PARD3B: variants seen among roughly 807,000 people sequenced by gnomAD.
PARD3B encodes the protein par-3 family cell polarity regulator beta.
In PARD3B, 103 loss-of-function variants were observed where a neutral mutation model predicts 130.2. The ratio of observed to expected loss-of-function variants is 0.79; its 90% CI spans 0.67 to 0.93. The LOEUF is 0.93. Ranked by LOEUF, PARD3B falls within the 40% of genes least tolerant of loss-of-function variation. The pLI, the probability that PARD3B is intolerant of heterozygous loss-of-function variation, is 0.00. For missense variants in PARD3B, 1,609 were observed against 1,499.2 expected (o/e 1.07, Z -1.21); for synonymous variants, 583 against 553.2 (o/e 1.05, Z -0.76).
chr2:204,782,427 A>C (rs971272501), intron 2 of PARD3B, among the ~76,000 whole-genome samples: 67 of 151,528 alleles, frequency 4.4e-4, no homozygotes, highest in African/African-American at 1.4e-3. Context: ...ATTGTGTGTA[A>C]TATAGACACA....
chr2:204,885,314 T>C (rs1271976409), intron 2 of PARD3B, among the ~76,000 whole-genome samples: 1 of 152,242 alleles, frequency 6.6e-6, no homozygotes, highest in South Asian at 2.1e-4. Context: ...TGCCCACTTT[T>C]TAATGGGGTT....
At chr2:204,842,685 A>C (rs2044301376) in intron 2 of PARD3B, among the ~76,000 whole-genome samples, 1 of 152,188 alleles carries the variant, frequency 6.6e-6, no homozygotes, top group South Asian at 2.1e-4. Context: ...ATGTCTGGAA[A>C]AGATGATTTT....
rs1178338868 is a variant in PARD3B, at chr2:205,584,890, A to G, written c.3261-30566A>G. Among the ~76,000 whole-genome samples the G allele has an allele frequency of 6.6e-6, 1 of 152,090 alleles. No individual in the cohort carries two copies. The highest frequency in any genetic ancestry group is 6.5e-5 in the Admixed American group (1 of 15,272). ...ACTTTTTTCCCCTTAGATTGTACATAATACCAGGCACACCTGGATTTCTGG... is the reference window on the plus strand; with the variant it reads ...ACTTTTTTCCCCTTAGATTGTACATGATACCAGGCACACCTGGATTTCTGG... On this transcript the variant is annotated intron_variant, in intron 22 of 22. Transcript: ENST00000406610. This position sits in a 1 kb window ranked among gnomAD's most constrained non-coding sequence, Gnocchi z 5.5.
At chr2:204,929,503 A>AAAG (rs1687871071) in intron 2 of PARD3B, among the ~76,000 whole-genome samples, 1 of 152,174 alleles carries the variant, frequency 6.6e-6, no homozygotes, top group Non-Finnish European at 1.5e-5. Context: ...AGTCCTTTTA[A>AAAG]GTACCAAAAT....
intron 16 of PARD3B, among the ~76,000 whole-genome samples, chr2:205,248,436 G>C (rs940295146): frequency 6.6e-6 from 1 of 151,380 alleles, no homozygotes; most frequent in African/African-American, 2.4e-5. Context: ...CAGCAGCAGA[G>C]GGTTAAGGGT....
chr2:205,435,075 ATTT>A (rs1207207006), intron 19 of PARD3B, among the ~76,000 whole-genome samples: 2 of 152,076 alleles, frequency 1.3e-5, no homozygotes, highest in Non-Finnish European at 2.9e-5. Context: ...AGTTAAATTT[ATTT>A]TTTTAATTAT....
intron 20 of PARD3B, among the ~76,000 whole-genome samples, chr2:205,488,777 C>T (rs547198615): frequency 9.9e-5 from 15 of 152,196 alleles, no homozygotes; most frequent in African/African-American, 2.9e-4. Context: ...GACATATGTT[C>T]GTTAAATGGA....
In PARD3B at chr2:205,550,978, C is replaced by CATATATATATAT. The variant is rs1559207188; in HGVS notation, c.3181-2345_3181-2344insTATATATATATA. Among the ~76,000 whole-genome samples the CATATATATATAT allele has an allele frequency of 6.4e-5, 6 of 93,092 alleles. No individual in the cohort carries two copies. Among genetic ancestry groups the CATATATATATAT allele is most frequent in the Non-Finnish European group, 1.0e-4 (5 of 48,522 alleles). The allele number at this position is 93,092 out of a possible 152,430, so 61.1% of individuals were successfully genotyped here. On this transcript the variant is annotated intron_variant, in intron 21 of 22. Coordinates refer to ENST00000406610, the MANE Select transcript of PARD3B (RefSeq NM_001302769.2). The surrounding 1 kb of genome is among the most constrained non-coding windows in gnomAD (Gnocchi z 4.5). ...GTGTATATATATATATATATATATA[C>CATATATATATAT]ACACACACACACACACACACACACA...
chr2:204,733,816 A>G (rs2039626101), intron 2 of PARD3B, among the ~76,000 whole-genome samples: 1 of 151,986 alleles, frequency 6.6e-6, no homozygotes, highest in Non-Finnish European at 1.5e-5. Flanking sequence ...AAGTGGTATT[A>G]CTAAACACAC....
intron 2 of PARD3B, among the ~76,000 whole-genome samples, chr2:204,841,695 G>A (rs1306715255): frequency 6.6e-6 from 1 of 152,020 alleles, no homozygotes; most frequent in African/African-American, 2.4e-5. Flanking sequence ...CCCATTTCTG[G>A]TGAAAATAAT....
At chr2:204,860,173 A>C (rs916857233) in intron 2 of PARD3B, among the ~76,000 whole-genome samples, 1 of 152,188 alleles carries the variant, frequency 6.6e-6, no homozygotes, top group Non-Finnish European at 1.5e-5. Flanking sequence ...TATATCAATG[A>C]CTGATTATAT....
chr2:204,760,559 A>G (rs1234569916), intron 2 of PARD3B, among the ~76,000 whole-genome samples: 1 of 152,020 alleles, frequency 6.6e-6, no homozygotes. Context: ...AAACTGTTTT[A>G]TTAATAAGGA....
chr2:204,625,976 A>T (rs2034473624), intron 1 of PARD3B, among the ~76,000 whole-genome samples: 1 of 152,184 alleles, frequency 6.6e-6, no homozygotes, highest in Non-Finnish European at 1.5e-5. Context: ...ATTACCATGG[A>T]GTAGGAAATC....
intron 3 of PARD3B, among the ~76,000 whole-genome samples, chr2:205,047,145 A>C (rs910314220): frequency 6.6e-6 from 1 of 152,210 alleles, no homozygotes; most frequent in African/African-American, 2.4e-5. Flanking sequence ...CATCATTCAA[A>C]AGATTTGGAA....
chr2:205,031,774 A>G (rs1276656585), intron 3 of PARD3B, among the ~76,000 whole-genome samples: 1 of 152,168 alleles, frequency 6.6e-6, no homozygotes, highest in African/African-American at 2.4e-5. Context: ...CCTGCAAGTT[A>G]ATAAGTAGCT....
rs1173664733 is a variant in PARD3B at position 205,160,220 on chromosome 2, T to C, written c.1620+1313T>C. ...AAATAGTCATAATTTTTCAGTAATA[T>C]ACACATCAATAAGCCTTTATTTTTC... On this transcript the variant is annotated intron_variant, in intron 11 of 22. Transcript: ENST00000406610. The surrounding 1 kb of genome is among the most constrained non-coding windows in gnomAD (Gnocchi z 4.0). Among the ~76,000 whole-genome samples the C allele has an allele frequency of 6.6e-6, 1 of 152,246 alleles. No individual in the cohort carries two copies. The highest frequency in any genetic ancestry group is 2.4e-5 in the African/African-American group (1 of 41,464).
intron 1 of PARD3B, among the ~76,000 whole-genome samples, chr2:204,559,530 A>G (rs968562275): frequency 4.6e-5 from 7 of 152,232 alleles, no homozygotes; most frequent in Admixed American, 2.6e-4. Flanking sequence ...TTAAAAAGTC[A>G]GGAAACAACA....
intron 16 of PARD3B, among the ~76,000 whole-genome samples, chr2:205,271,645 C>T (rs1396736901): frequency 6.6e-6 from 1 of 152,140 alleles, no homozygotes; most frequent in African/African-American, 2.4e-5. Context: ...CATTTTGATA[C>T]TTAGCAATAA....
At chr2:204,807,882 A>T (rs2042831166) in intron 2 of PARD3B, among the ~76,000 whole-genome samples, 1 of 151,968 alleles carries the variant, frequency 6.6e-6, no homozygotes, top group Non-Finnish European at 1.5e-5. Flanking sequence ...AATGAGTAAG[A>T]TCTAGTATTT....
Sources: gnomAD v4.1 joint callset for allele counts (sites outside exome capture counted in the v4.1 genomes callset) on GRCh38, gnomAD v4.1.1 for gene constraint, Gnocchi (gnomAD v3.1) non-coding constraint, MANE v1.5 for transcripts, NCBI Gene and HGNC (gene_info 2026-07-23, HGNC 2026-07-21) for gene names.